The following ST3GAL4 variants were observed in gnomAD, a reference collection of about 807,000 sequenced individuals.
ST3GAL4 encodes ST3 beta-galactoside alpha-2,3-sialyltransferase 4, also known as CMP-N-acetylneuraminate-beta-galactosamide-alpha-2,3-sialyltransferase 4.
ST3GAL4 carries 24 observed loss-of-function variants against 42.6 expected under a neutral mutation model. That is an observed-to-expected ratio of 0.56 (90% CI 0.41 to 0.79). The LOEUF (loss-of-function observed/expected upper bound fraction) is 0.79, where lower values mean the gene tolerates loss of function less well. ST3GAL4 is among the 30% of genes least tolerant of loss of function. ST3GAL4 has a pLI of 0.00. For synonymous variants in ST3GAL4, 135 were observed against 163.2 expected, an observed-to-expected ratio of 0.83 and a Z score of 1.32; for missense variants, 311 against 430.8, an observed-to-expected ratio of 0.72 and a Z score of 2.46.
At position 126,368,051 on chromosome 11, in the gene ST3GAL4, G is replaced by A. The variant is rs1469002724; in HGVS notation, c.-61+12209G>A. ...TGATCCCAGCTACTTGGGAGGCTGA[G>A]CAGGAGAATCCTTTGAATTCAGGAG... On this transcript the variant is annotated intron_variant, in intron 1 of 10. Transcript: ENST00000444328. Among the ~76,000 whole-genome samples, 3 of 151,700 alleles carry A rather than the reference G, an allele frequency of 2.0e-5. 1 individual carries two copies. In the South Asian group the frequency reaches 6.2e-4, roughly 31 times the overall value.
intron 1 of ST3GAL4, among the ~76,000 whole-genome samples, chr11:126,375,530 C>T (rs1287224669): frequency 2.0e-5 from 3 of 152,122 alleles, no homozygotes; most frequent in Non-Finnish European, 2.9e-5. Context: ...CCGCTCCTCA[C>T]GAGCTGTACA....
In ST3GAL4 at chr11:126,384,308, G is replaced by A. The variant is rs1218274200; in HGVS notation, c.-60-21788G>A. ...TGAGCCCAGATCTCCGGTGCTCCAA[G>A]ACACTCAAAACCAGAGCTGAGAGCC... On this transcript the variant is annotated intron_variant, in intron 1 of 10. Coordinates refer to ENST00000444328, the MANE Select transcript of ST3GAL4 (RefSeq NM_001254757.2). This position sits in a 1 kb window ranked among gnomAD's most constrained non-coding sequence, Gnocchi z 5.5. Among the ~76,000 whole-genome samples, 1 of 152,176 alleles carries A rather than the reference G, an allele frequency of 6.6e-6. No individual in the cohort carries two copies. Among genetic ancestry groups the A allele is most frequent in the Non-Finnish European group, 1.5e-5 (1 of 68,042 alleles).
At chr11:126,371,413 G>A (rs759515845) in intron 1 of ST3GAL4, among the ~76,000 whole-genome samples, 4 of 150,798 alleles carry the variant, frequency 2.7e-5, no homozygotes, top group African/African-American at 4.9e-5. Flanking sequence ...TCCGCCCACC[G>A]TGGCCTCCCA....
chr11:126,378,394 C>T lies in ST3GAL4; in HGVS notation c.-61+22552C>T, dbSNP rs929281549. Reference sequence around the variant, plus strand: ...ATTTGATAAAATGACTGTATGCCATCATCAATTAGGGATGATTGGTTTTCT... The same window carrying T: ...ATTTGATAAAATGACTGTATGCCATTATCAATTAGGGATGATTGGTTTTCT... On this transcript the variant is annotated intron_variant, in intron 1 of 10. Transcript: ENST00000444328. The surrounding 1 kb of genome is among the most constrained non-coding windows in gnomAD (Gnocchi z 5.3). Among the ~76,000 whole-genome samples the T allele has an allele frequency of 3.9e-5, 6 of 152,108 alleles. No individual in the cohort carries two copies. Among genetic ancestry groups the T allele is most frequent in the African/African-American group, 1.2e-4 (5 of 41,410 alleles).
At chr11:126,377,916 T>C (rs1033879176) in intron 1 of ST3GAL4, among the ~76,000 whole-genome samples, 3 of 152,262 alleles carry the variant, frequency 2.0e-5, no homozygotes, top group African/African-American at 7.2e-5. Flanking sequence ...GAAGTGTCAA[T>C]TAAACTTTTT....
At chr11:126,390,279 G>C (rs566549515) in intron 1 of ST3GAL4, among the ~76,000 whole-genome samples, 3 of 150,658 alleles carry the variant, frequency 2.0e-5, no homozygotes, top group East Asian at 1.9e-4. Context: ...TATTCAGGTA[G>C]CACAGTGTAT....
intron 1 of ST3GAL4, among the ~76,000 whole-genome samples, chr11:126,394,216 G>T (rs1410665392): frequency 6.6e-6 from 1 of 152,190 alleles, no homozygotes; most frequent in African/African-American, 2.4e-5. Flanking sequence ...GATCCTTGGG[G>T]TGGGTGCATT....
intron 1 of ST3GAL4, 120 bp from the exon 2 acceptor site, chr11:126,405,976 A>G: frequency 8.3e-7 from 1 of 1,210,312 alleles, no homozygotes; most frequent in Non-Finnish European, 1.2e-6. Flanking sequence ...TGATTGCCCC[A>G]GGGAGCAGCT....
rs1237308192 is a variant in ST3GAL4 at position 126,413,600 on chromosome 11, G to A, written c.867G>A (p.Lys289=). The A allele has an allele frequency of 6.2e-7, 1 of 1,614,146 alleles. No individual in the cohort carries two copies. Among genetic ancestry groups the A allele is most frequent in the Non-Finnish European group, 8.5e-7 (1 of 1,180,064 alleles). ...TTGGCTACCCAGACGCCTACAACAAGAAGCAGACCATTCACTACTATGAGC... is the reference window on the plus strand; with the variant it reads ...TTGGCTACCCAGACGCCTACAACAAAAAGCAGACCATTCACTACTATGAGC... The part of the protein sequence containing the change: ...AGFGYPDAYN[K]KQTIHYYEQI... Residue 289 remains lysine (K), a synonymous_variant, in exon 10 of 11, where the codon AAG becomes AAA. Transcript: ENST00000444328.
Position 126,384,972 on chromosome 11 carries a change from C to T in ST3GAL4, c.-60-21124C>T, listed in dbSNP as rs1953166742. On this transcript the variant is annotated intron_variant, in intron 1 of 10. Coordinates refer to ENST00000444328, the MANE Select transcript of ST3GAL4 (RefSeq NM_001254757.2). The surrounding 1 kb of genome is among the most constrained non-coding windows in gnomAD (Gnocchi z 5.5). ...GGAAGGGAGGACCAGGTGTCGCTGG[C>T]ACCTTCCACGTCCTGAGTGCTTGTT... 13 of 941,716 alleles carry T rather than the reference C, an allele frequency of 1.4e-5. No homozygotes were observed. The highest frequency in any genetic ancestry group is 1.5e-5 in the Non-Finnish European group (12 of 790,104). 58.3% of individuals were successfully genotyped at this position (941,716 alleles called of 1,614,324 possible).
rs1344966006 is a variant in ST3GAL4 at position 126,411,643 on chromosome 11, C to G, written c.772-1862C>G. Among the ~76,000 whole-genome samples the G allele has an allele frequency of 6.6e-6, 1 of 152,140 alleles. No individual in the cohort carries two copies. Among genetic ancestry groups the G allele is most frequent in the Non-Finnish European group, 1.5e-5 (1 of 68,032 alleles). ...GGAAAATTTTGCTTCCAGGCTCATT[C>G]TTGTGGTTGAAATAATTCGGTTCCT... On this transcript the variant is annotated intron_variant, in intron 9 of 10. Coordinates refer to ENST00000444328, the MANE Select transcript of ST3GAL4 (RefSeq NM_001254757.2). This position sits in a 1 kb window ranked among gnomAD's most constrained non-coding sequence, Gnocchi z 6.3.
chr11:126,414,072 G>A lies in ST3GAL4; in HGVS notation c.*25G>A, dbSNP rs370297535. 1.1e-5 allele frequency: 17 copies of A among 1,612,408 alleles called. No individual in the cohort carries two copies. The highest frequency in any genetic ancestry group is 2.7e-5 in the African/African-American group (2 of 74,914). ...ACCTGGGCAAGAGCTGTAGCCTGTC[G>A]GTTGCCTACTCTGCTGTCTGGGTGA... is the stretch of plus-strand genomic sequence containing the variant. On this transcript the variant is annotated 3_prime_UTR_variant, in exon 11 of 11. Transcript: ENST00000444328.
At chr11:126,403,711 TG>T (rs1180511246) in intron 1 of ST3GAL4, among the ~76,000 whole-genome samples, 5 of 152,176 alleles carry the variant, frequency 3.3e-5, no homozygotes, top group African/African-American at 1.2e-4. Flanking sequence ...TGAGAGAGGC[TG>T]CAGTTCGTAA....
At chr11:126,387,497 G>T (rs1420840743) in intron 1 of ST3GAL4, among the ~76,000 whole-genome samples, 4 of 152,012 alleles carry the variant, frequency 2.6e-5, no homozygotes, top group African/African-American at 9.7e-5. Context: ...GTTCAACGTG[G>T]TGAGACCCCA....
At position 126,413,456 on chromosome 11, in the gene ST3GAL4, G is replaced by A. The variant is rs377306641; in HGVS notation, c.772-49G>A. ...CTGCAGAGCGCTGGCAGAGATGATG[G>A]TGGGAGGAGCAGGGCTCCCACTAAC... On this transcript the variant is annotated intron_variant, in intron 9 of 10. Coordinates refer to ENST00000444328, the MANE Select transcript of ST3GAL4 (RefSeq NM_001254757.2). 1.0e-5 allele frequency: 16 copies of A among 1,603,972 alleles called. No individual in the cohort carries two copies. The African/African-American group carries it at 2.1e-4, about 21-fold the overall frequency.
Position 126,376,133 on chromosome 11 carries a change from T to G in ST3GAL4, c.-61+20291T>G, listed in dbSNP as rs1952826921. Among the ~76,000 whole-genome samples the G allele has an allele frequency of 6.6e-6, 1 of 151,152 alleles. No individual in the cohort carries two copies. Among genetic ancestry groups the G allele is most frequent in the African/African-American group, 2.5e-5 (1 of 40,464 alleles). On this transcript the variant is annotated intron_variant, in intron 1 of 10. Transcript: ENST00000444328. This position sits in a 1 kb window ranked among gnomAD's most constrained non-coding sequence, Gnocchi z 5.1. The stretch of plus-strand genomic sequence containing the variant: ...AACACAGAATTATATAATACGAAAT[T>G]ACATTATATCATAGAGCATATTCTA...
At position 126,400,187 on chromosome 11, in the gene ST3GAL4, G is replaced by A. The variant is rs1021191924; in HGVS notation, c.-60-5909G>A. Among the ~76,000 whole-genome samples, 4 of 152,176 alleles carry A rather than the reference G, an allele frequency of 2.6e-5. No individual in the cohort carries two copies. Among genetic ancestry groups the A allele is most frequent in the Non-Finnish European group, 5.9e-5 (4 of 68,036 alleles). On this transcript the variant is annotated intron_variant, in intron 1 of 10. Transcript: ENST00000444328. This position sits in a 1 kb window ranked among gnomAD's most constrained non-coding sequence, Gnocchi z 4.6. ...GAATTTTATTTGGCTCATGGTTCTG[G>A]AGGCTGGGAAGTCCAAGATCAAGGG...
At chr11:126,360,726 G>A (rs1308313656) in intron 1 of ST3GAL4, among the ~76,000 whole-genome samples, 2 of 152,182 alleles carry the variant, frequency 1.3e-5, no homozygotes, top group East Asian at 1.9e-4. Flanking sequence ...CCAGCCGAGC[G>A]TGTCTGTCTT....
Position 126,371,649 on chromosome 11 carries a change from G to A in ST3GAL4, c.-61+15807G>A, listed in dbSNP as rs78728547. 3.4e-3 allele frequency among the ~76,000 whole-genome samples: 523 copies of A among 152,310 alleles called. 3 individuals are homozygous for A. The highest frequency in any genetic ancestry group is 0.012 in the African/African-American group (501 of 41,560). On this transcript the variant is annotated intron_variant, in intron 1 of 10. Coordinates refer to ENST00000444328, the MANE Select transcript of ST3GAL4 (RefSeq NM_001254757.2). ...ACATGGCTATATAATATTCAGTTGC[G>A]TGAATGTAGCACAGCTTATGTAGCC...
Sources: allele counts gnomAD v4.1 joint callset (sites outside exome capture counted in the v4.1 genomes callset), GRCh38; gene constraint gnomAD v4.1.1; non-coding constraint Gnocchi (gnomAD v3.1); transcripts MANE v1.5; gene names NCBI Gene and HGNC (gene_info 2026-07-23, HGNC 2026-07-21).